The following PEX3 variants were observed in gnomAD, a reference collection of about 807,000 sequenced individuals.
PEX3 encodes peroxin-3.
A neutral mutation model predicts 55.8 loss-of-function variants in PEX3; 30 were observed. The observed-to-expected ratio is 0.54, with a 90% CI of 0.40 to 0.73. The LOEUF (loss-of-function observed/expected upper bound fraction) is 0.73, where lower values mean the gene tolerates loss of function less well. Ranked by LOEUF, PEX3 falls within the 30% of genes least tolerant of loss-of-function variation. The pLI is 0.00. For synonymous variants in PEX3, 135 were observed against 148.4 expected (o/e 0.91, Z 0.66); for missense variants, 351 against 432.8 (o/e 0.81, Z 1.68).
chr6:143,465,228 G>A lies in PEX3; in HGVS notation c.287+2231G>A, dbSNP rs372798491. ...TTTGAAAGGAATATTTGTGTTGAAG[G>A]TACTTTTCTCTGTTCTACATAGATT... On this transcript the variant is annotated intron_variant, in intron 3 of 11. Transcript: ENST00000367591. This position sits in a 1 kb window ranked among gnomAD's most constrained non-coding sequence, Gnocchi z 4.7. Among the ~76,000 whole-genome samples, 1 of 151,800 alleles carries A rather than the reference G, an allele frequency of 6.6e-6. No homozygotes were observed. Among genetic ancestry groups the A allele is most frequent in the African/African-American group, 2.4e-5 (1 of 41,388 alleles).
In PEX3 at chr6:143,464,400, A is replaced by AT. The variant is rs1562652705; in HGVS notation, c.287+1404dup. Among the ~76,000 whole-genome samples, 1 of 152,042 alleles carries AT rather than the reference A, an allele frequency of 6.6e-6. No homozygotes were observed. The highest frequency in any genetic ancestry group is 2.4e-5 in the African/African-American group (1 of 41,448). ...GATCAAGTCTCTTTAAGACCTTTTC[A>AT]TCCAAAGGAGGAAGTAGACTAAATA... On this transcript the variant is annotated intron_variant, in intron 3 of 11. Transcript: ENST00000367591. The surrounding 1 kb of genome is among the most constrained non-coding windows in gnomAD (Gnocchi z 5.8).
At position 143,450,821 on chromosome 6, in the gene PEX3, T is replaced by TGCGCG; in HGVS notation, c.-218_-214dup. ...TGTCGGACCAGTGAGCGGCGGCGGC[T>TGCGCG]GCGCGGCGGCAGCGGCAGAAAGCGT... On this transcript the variant is annotated 5_prime_UTR_variant, in exon 1 of 12. Coordinates refer to ENST00000367591, the MANE Select transcript of PEX3 (RefSeq NM_003630.3). The TGCGCG allele has an allele frequency of 1.3e-6, 1 of 798,676 alleles. No individual in the cohort carries two copies. The highest frequency in any genetic ancestry group is 2.0e-6 in the Non-Finnish European group (1 of 490,324). The allele number at this position is 798,676 out of a possible 1,614,324, so 49.5% of individuals were successfully genotyped here. A position where few individuals can be genotyped will look rare whatever the true frequency, so the allele number is the denominator to read the frequency against.
intron 10 of PEX3, 171 bp from the exon 11 acceptor site, chr6:143,484,981 T>G: frequency 1.7e-6 from 1 of 589,912 alleles, no homozygotes; most frequent in Non-Finnish European, 3.0e-6. Flanking sequence ...AAATTGGTCA[T>G]GATGTCAATT....
At chr6:143,481,148 T>TTATA (rs72384031) in intron 10 of PEX3, among the ~76,000 whole-genome samples, 60 of 146,348 alleles carry the variant, frequency 4.1e-4, no homozygotes, top group Non-Finnish European at 6.3e-4. Context: ...AGGCTTTAAT[T>TTATA]TATATATATA....
intron 1 of PEX3, among the ~76,000 whole-genome samples, chr6:143,456,287 T>C (rs565370062): frequency 6.6e-6 from 1 of 152,284 alleles, no homozygotes; most frequent in South Asian, 2.1e-4. Flanking sequence ...AGTATATAGA[T>C]AGTCATGAGC....
At chr6:143,473,409 C>T (rs1780101891) in intron 8 of PEX3, among the ~76,000 whole-genome samples, 1 of 152,096 alleles carries the variant, frequency 6.6e-6, no homozygotes, top group Non-Finnish European at 1.5e-5. Flanking sequence ...CTTTTTAGGA[C>T]TCTAAAGTAA....
chr6:143,452,831 G>C (rs1296471578), intron 1 of PEX3, among the ~76,000 whole-genome samples: 3 of 152,160 alleles, frequency 2.0e-5, no homozygotes, highest in Admixed American at 2.0e-4. Flanking sequence ...TCAAGTGCCT[G>C]TAATGCTGAA....
At position 143,454,272 on chromosome 6, in the gene PEX3, T is replaced by C. The variant is rs114161577; in HGVS notation, c.73+3157T>C. ...AGAGAATGAGAATGAAAAAGGCAAA[T>C]AACATTTTAGTATTATTACGAAAAC... On this transcript the variant is annotated intron_variant, in intron 1 of 11. Coordinates refer to ENST00000367591, the MANE Select transcript of PEX3 (RefSeq NM_003630.3). The surrounding 1 kb of genome is among the most constrained non-coding windows in gnomAD (Gnocchi z 4.3). Among the ~76,000 whole-genome samples the C allele has an allele frequency of 3.5e-3, 536 of 152,272 alleles. 2 individuals carry two copies. Among genetic ancestry groups the C allele is most frequent in the African/African-American group, 0.012 (519 of 41,554 alleles).
intron 10 of PEX3, among the ~76,000 whole-genome samples, chr6:143,480,339 A>G (rs1780217992): frequency 6.6e-6 from 1 of 152,204 alleles, no homozygotes; most frequent in South Asian, 2.1e-4. Flanking sequence ...CATAATTGTA[A>G]TGGTTATTTT....
rs1562658811 is a variant in PEX3 at position 143,485,195 on chromosome 6, G to A, written c.985G>A (p.Val329Ile). 7 of 1,607,606 alleles carry A rather than the reference G, an allele frequency of 4.4e-6. No homozygotes were observed. Among genetic ancestry groups the A allele is most frequent in the East Asian group, 4.5e-5 (2 of 44,776 alleles). The change falls in exon 11 of 12, where the codon GTA becomes ATA. Residue 329 changes from valine to isoleucine, a missense_variant. Physicochemically the swap from Val to Ile is conservative, Grantham distance 29 (BLOSUM62 3). Transcript: ENST00000367591. This position sits in a 1 kb window ranked among gnomAD's most constrained non-coding sequence, Gnocchi z 5.6. ...SLPLAKIIPI[V>I]NGQIHSVCSE... ...GCCTTTAGCTAAGATAATTCCAATA[G>A]TAAACGGACAGATCCATTCAGTTTG...
At chr6:143,467,466 A>T (rs1372643034) in intron 3 of PEX3, among the ~76,000 whole-genome samples, 1 of 152,242 alleles carries the variant, frequency 6.6e-6, no homozygotes, top group East Asian at 1.9e-4. Flanking sequence ...TTCTGCATCG[A>T]AGGTTTTGGT....
rs1178905615 is a variant in PEX3, at chr6:143,486,535, A to G, written c.1038+1287A>G. 6.6e-6 allele frequency among the ~76,000 whole-genome samples: 1 copy of G among 152,190 alleles called. No homozygotes were observed. The highest frequency in any genetic ancestry group is 1.9e-4 in the East Asian group (1 of 5,202). On this transcript the variant is annotated intron_variant, in intron 11 of 11. Transcript: ENST00000367591. This position sits in a 1 kb window ranked among gnomAD's most constrained non-coding sequence, Gnocchi z 5.0. Reference sequence around the variant, plus strand: ...AAAGTTTTTTACTGTAACTGGATGTATATTAAATGTATATACTAGACCATT... The same window carrying G: ...AAAGTTTTTTACTGTAACTGGATGTGTATTAAATGTATATACTAGACCATT...
rs1780347074 is a variant in PEX3, at chr6:143,488,476, T to C, written c.1039-667T>C. Among the ~76,000 whole-genome samples the C allele has an allele frequency of 6.6e-6, 1 of 152,150 alleles. No homozygotes were observed. The highest frequency in any genetic ancestry group is 1.5e-5 in the Non-Finnish European group (1 of 67,982). The stretch of plus-strand genomic sequence containing the variant: ...TACCAAGATATAATGAGAGTTCTGA[T>C]AACTTCCACAACTGTCATATGACAT... On this transcript the variant is annotated intron_variant, in intron 11 of 11. Transcript: ENST00000367591. The surrounding 1 kb of genome is among the most constrained non-coding windows in gnomAD (Gnocchi z 4.9).
intron 10 of PEX3, among the ~76,000 whole-genome samples, chr6:143,481,761 T>C (rs1310127925): frequency 6.6e-6 from 1 of 152,070 alleles, no homozygotes; most frequent in Non-Finnish European, 1.5e-5. Context: ...CTCACTTCTG[T>C]AATCCTGATG....
In PEX3 at chr6:143,486,794, A is replaced by AC. The variant is rs1780328458; in HGVS notation, c.1038+1546_1038+1547insC. ...GGAGAGCCTATGGTGGGAATGCTGTAGAACAGGGGTTTGGCAAACTGTACA... is the reference window on the plus strand; with the variant it reads ...GGAGAGCCTATGGTGGGAATGCTGTACGAACAGGGGTTTGGCAAACTGTACA... On this transcript the variant is annotated intron_variant, in intron 11 of 11. Coordinates refer to ENST00000367591, the MANE Select transcript of PEX3 (RefSeq NM_003630.3). The surrounding 1 kb of genome is among the most constrained non-coding windows in gnomAD (Gnocchi z 5.0). Among the ~76,000 whole-genome samples the AC allele has an allele frequency of 1.3e-5, 2 of 152,188 alleles. No individual in the cohort carries two copies. The highest frequency in any genetic ancestry group is 4.8e-5 in the African/African-American group (2 of 41,450).
Position 143,459,014 on chromosome 6 carries a change from A to G in PEX3, c.74-71A>G. On this transcript the variant is annotated intron_variant, in intron 1 of 11. Coordinates refer to ENST00000367591, the MANE Select transcript of PEX3 (RefSeq NM_003630.3). This position sits in a 1 kb window ranked among gnomAD's most constrained non-coding sequence, Gnocchi z 4.2. ...ACTAATATAAAACTTATAATTGCAT[A>G]AAGTAGGTTAAAAATACTGTGTAGA... 2 of 1,012,178 alleles carry G rather than the reference A, an allele frequency of 2.0e-6. No homozygotes were observed. Among genetic ancestry groups the G allele is most frequent in the Non-Finnish European group, 3.1e-6 (2 of 649,296 alleles). 62.7% of individuals were successfully genotyped at this position (1,012,178 alleles called of 1,614,324 possible). A position where few individuals can be genotyped will look rare whatever the true frequency, so the allele number is the denominator to read the frequency against.
intron 10 of PEX3, among the ~76,000 whole-genome samples, chr6:143,481,185 CAT>C (rs1780236718): frequency 1.4e-5 from 2 of 147,486 alleles, no homozygotes; most frequent in Non-Finnish European, 3.0e-5. Flanking sequence ...ATATATGCAA[CAT>C]ATATGTATTA....
Position 143,475,067 on chromosome 6 carries a change from C to T in PEX3, c.818+211C>T, listed in dbSNP as rs1239593406. On this transcript the variant is annotated intron_variant, in intron 9 of 11. Transcript: ENST00000367591. This position sits in a 1 kb window ranked among gnomAD's most constrained non-coding sequence, Gnocchi z 4.4. ...GTAACTCAGCTACTAACTCTACTAT[C>T]TGAATTCATCGAGTTCCAGTCTTTT... Among the ~76,000 whole-genome samples, 2 of 152,154 alleles carry T rather than the reference C, an allele frequency of 1.3e-5. No homozygotes were observed. The highest frequency in any genetic ancestry group is 4.8e-5 in the African/African-American group (2 of 41,438).
In PEX3 at chr6:143,475,163, GAGA is replaced by G. The variant is rs768729663; in HGVS notation, c.818+310_818+312del. 2.8e-4 allele frequency among the ~76,000 whole-genome samples: 43 copies of G among 152,058 alleles called. No individual in the cohort carries two copies. Among genetic ancestry groups the G allele is most frequent in the Non-Finnish European group, 4.9e-4 (33 of 68,022 alleles). Reference sequence around the variant, plus strand: ...CACCTCATCATTTCATGAAGCTCTGGAGAAGGTCATCAGTGATCTTTTGCCATA... The same window carrying G: ...CACCTCATCATTTCATGAAGCTCTGGAGGTCATCAGTGATCTTTTGCCATA... On this transcript the variant is annotated intron_variant, in intron 9 of 11. Transcript: ENST00000367591. The surrounding 1 kb of genome is among the most constrained non-coding windows in gnomAD (Gnocchi z 4.4).
Sources: gnomAD v4.1 joint callset for allele counts (sites outside exome capture counted in the v4.1 genomes callset) on GRCh38, gnomAD v4.1.1 for gene constraint, Gnocchi (gnomAD v3.1) non-coding constraint, MANE v1.5 for transcripts, NCBI Gene and HGNC (gene_info 2026-07-23, HGNC 2026-07-21) for gene names.